HERC4: variants seen among roughly 807,000 people sequenced by gnomAD.
The protein encoded by HERC4 is HECT and RLD domain containing E3 ubiquitin protein ligase 4, also known as probable E3 ubiquitin-protein ligase HERC4.
A neutral mutation model predicts 124.3 loss-of-function variants in HERC4; 28 were observed. The ratio of observed to expected loss-of-function variants is 0.23; its 90% CI spans 0.17 to 0.31. HERC4 has a LOEUF of 0.31. Ranked by LOEUF, HERC4 falls within the 10% of genes least tolerant of loss-of-function variation. HERC4 has a pLI of 1.00. For synonymous variants in HERC4, 407 were observed against 421.5 expected (o/e 0.97, Z 0.42); for missense variants, 713 against 1,229.3 (o/e 0.58, Z 6.28).
rs2034183975 is a variant in HERC4, at chr10:67,956,996, T to C, written c.1927-20A>G. On this transcript the variant is annotated intron_variant, in intron 16 of 24. Coordinates refer to ENST00000373700, the MANE Select transcript of HERC4 (RefSeq NM_015601.4). The stretch of plus-strand genomic sequence containing the variant: ...TGCCAACTGGAAATAAAAAATTAAC[T>C]TATTAGTACAAGTTGATTTGTGATA... 1.7e-5 allele frequency: 24 copies of C among 1,419,002 alleles called. No homozygotes were observed. Among genetic ancestry groups the C allele is most frequent in the Non-Finnish European group, 2.3e-5 (24 of 1,034,738 alleles). 87.9% of individuals were successfully genotyped at this position (1,419,002 alleles called of 1,614,324 possible). A position where few individuals can be genotyped will look rare whatever the true frequency, so the allele number is the denominator to read the frequency against.
chr10:67,936,301 A>AAG, intron 21 of HERC4, 66 bp from the exon 22 acceptor site: 4 of 894,160 alleles, frequency 4.5e-6, no homozygotes, highest in Non-Finnish European at 5.1e-6. Flanking sequence ...CTATTATTAT[A>AAG]TTCTACCTTT....
intron 19 of HERC4, among the ~76,000 whole-genome samples, chr10:67,949,412 A>G (rs542830709): frequency 2.0e-5 from 3 of 152,356 alleles, no homozygotes; most frequent in African/African-American, 7.2e-5. Context: ...CAGCAGAGGG[A>G]ATATTTCCTA....
At chr10:67,947,825 T>C (rs762122334) in intron 19 of HERC4, among the ~76,000 whole-genome samples, 33 of 149,772 alleles carry the variant, frequency 2.2e-4, no homozygotes, top group Non-Finnish European at 3.7e-4. Context: ...CATATGGAAA[T>C]TAAACAATAC....
chr10:67,935,684 G>T (rs2032295844), intron 22 of HERC4, among the ~76,000 whole-genome samples: 1 of 152,130 alleles, frequency 6.6e-6, no homozygotes, highest in Admixed American at 6.5e-5. Flanking sequence ...CAGATTCCTG[G>T]TGTGCTAAGG....
At chr10:68,053,897 G>T (rs1049451552) in intron 3 of HERC4, among the ~76,000 whole-genome samples, 3 of 152,158 alleles carry the variant, frequency 2.0e-5, no homozygotes, top group Non-Finnish European at 2.9e-5. Context: ...GCTTTATGAA[G>T]AGCGACAAGT....
intron 9 of HERC4, chr10:68,010,591 A>G: frequency 8.1e-7 from 1 of 1,227,504 alleles, no homozygotes; most frequent in Non-Finnish European, 1.2e-6. Context: ...TTTCTCTTTC[A>G]GGCCTGCACG....
At chr10:68,053,661 T>C (rs947893319) in intron 3 of HERC4, among the ~76,000 whole-genome samples, 5 of 152,144 alleles carry the variant, frequency 3.3e-5, no homozygotes, top group South Asian at 4.1e-4. Context: ...GCATTAAATA[T>C]ATCACAAAAA....
At chr10:67,988,420 T>C (rs2036378415) in intron 15 of HERC4, among the ~76,000 whole-genome samples, 1 of 152,112 alleles carries the variant, frequency 6.6e-6, no homozygotes, top group African/African-American at 2.4e-5. Flanking sequence ...ATTAGTATGT[T>C]ATTGTTCTGC....
At chr10:67,972,365 T>C (rs187756867) in intron 15 of HERC4, among the ~76,000 whole-genome samples, 1 of 147,552 alleles carries the variant, frequency 6.8e-6, no homozygotes, top group Admixed American at 6.8e-5. Flanking sequence ...CTACTAATAA[T>C]ACAAAATTAG....
chr10:67,998,318 C>T (rs1180140541), intron 9 of HERC4, among the ~76,000 whole-genome samples: 1 of 151,626 alleles, frequency 6.6e-6, no homozygotes, highest in Non-Finnish European at 1.5e-5. Context: ...GAGGCCGAGG[C>T]AGGCAGATCA....
intron 23 of HERC4, among the ~76,000 whole-genome samples, chr10:67,928,277 G>A (rs2031375406): frequency 6.6e-6 from 1 of 152,124 alleles, no homozygotes; most frequent in Non-Finnish European, 1.5e-5. Flanking sequence ...ATTTTAAGGT[G>A]ATTAGAGGTG....
intron 23 of HERC4, among the ~76,000 whole-genome samples, chr10:67,926,238 T>A (rs529614049): frequency 6.6e-6 from 1 of 151,588 alleles, no homozygotes; most frequent in East Asian, 1.9e-4. Context: ...CTACTGAAAA[T>A]ACAAAAATTA....
intron 5 of HERC4, among the ~76,000 whole-genome samples, chr10:68,037,091 C>CTTTT (rs35105661): frequency 3.1e-4 from 33 of 106,938 alleles, no homozygotes; most frequent in African/African-American, 7.3e-4. Context: ...CCTATTTCTT[C>CTTTT]TTTTTTTTTT....
At chr10:67,934,464 CAGAA>C (rs2032148014) in intron 22 of HERC4, among the ~76,000 whole-genome samples, 1 of 152,082 alleles carries the variant, frequency 6.6e-6, no homozygotes. Context: ...ATTGATCCTT[CAGAA>C]AGAATCTTTG....
chr10:68,029,216 C>T (rs367952224), intron 7 of HERC4, among the ~76,000 whole-genome samples: 46 of 152,206 alleles, frequency 3.0e-4, no homozygotes, highest in African/African-American at 1.0e-3. Flanking sequence ...AAGGGCCAGG[C>T]GCAGTGGCTC....
chr10:67,966,496 A>G (rs1336013566), intron 16 of HERC4, 187 bp downstream of exon 16: 3 of 488,994 alleles, frequency 6.1e-6, no homozygotes, highest in Non-Finnish European at 3.5e-6. Flanking sequence ...TTGGTAAAAG[A>G]GTAGAATGTT....
At chr10:67,938,900 C>G (rs1035090425) in intron 21 of HERC4, among the ~76,000 whole-genome samples, 1 of 152,058 alleles carries the variant, frequency 6.6e-6, no homozygotes, top group African/African-American at 2.4e-5. Flanking sequence ...GTTGAGATCA[C>G]GTCACTGCAC....
chr10:67,956,781 A>C (rs557773038), intron 17 of HERC4, 97 bp downstream of exon 17: 4 of 654,892 alleles, frequency 6.1e-6, no homozygotes, highest in Admixed American at 6.0e-5. Flanking sequence ...TACTTTGTGT[A>C]CCTTCATTAC....
At chr10:67,978,165 A>G (rs1214140153) in intron 15 of HERC4, among the ~76,000 whole-genome samples, 3 of 151,594 alleles carry the variant, frequency 2.0e-5, no homozygotes, top group African/African-American at 7.3e-5. Context: ...AGTCCCAGCT[A>G]CTCAGGAGGC....
Sources: gnomAD v4.1 joint callset for allele counts (sites outside exome capture counted in the v4.1 genomes callset) on GRCh38, gnomAD v4.1.1 for gene constraint, MANE v1.5 for transcripts, NCBI Gene and HGNC (gene_info 2026-07-23, HGNC 2026-07-21) for gene names.